Variants in VPS13B observed in about 807,000 individuals in gnomAD.
The protein encoded by VPS13B is vacuolar protein sorting 13 homolog B.
In VPS13B, 285 loss-of-function variants were observed where a neutral mutation model predicts 426.4. The ratio of observed to expected loss-of-function variants is 0.67; its 90% confidence interval spans 0.61 to 0.74. The LOEUF is 0.74. Ranked by LOEUF, VPS13B falls within the 30% of genes least tolerant of loss-of-function variation. The pLI is 0.00. For synonymous variants in VPS13B, 1,676 were observed against 1,676.4 expected (o/e 1.00, Z 0.01); for missense variants, 4,537 against 4,782.6 (o/e 0.95, Z 1.51).
chr8:99,183,997 T>C (rs1813082035), intron 16 of VPS13B, among the ~76,000 whole-genome samples: 1 of 152,238 alleles, frequency 6.6e-6, no homozygotes, highest in East Asian at 1.9e-4. Flanking sequence ...CCCTGGAATC[T>C]ATAATATGTT....
At chr8:99,579,784 A>G (rs1588514278) in intron 33 of VPS13B, among the ~76,000 whole-genome samples, 1 of 146,706 alleles carries the variant, frequency 6.8e-6, no homozygotes, top group South Asian at 2.2e-4. Context: ...TGCAATCTCC[A>G]CCTCCTGGGT....
intron 58 of VPS13B, 46 bp from the exon 59 acceptor site, chr8:99,868,243 G>A (rs368238226): frequency 2.4e-5 from 38 of 1,612,710 alleles, no homozygotes; most frequent in Non-Finnish European, 2.8e-5. Context: ...TTCATTTTCC[G>A]AGGATTTTAA....
At chr8:99,163,738 C>G (rs1236002285) in intron 15 of VPS13B, among the ~76,000 whole-genome samples, 1 of 152,180 alleles carries the variant, frequency 6.6e-6, no homozygotes, top group Non-Finnish European at 1.5e-5. Flanking sequence ...TCCAGCTGGC[C>G]TGCAAGCGCC....
At chr8:99,546,799 G>A (rs940916121) in intron 30 of VPS13B, among the ~76,000 whole-genome samples, 5 of 151,988 alleles carry the variant, frequency 3.3e-5, no homozygotes, top group African/African-American at 1.2e-4. Flanking sequence ...TAATAAAAAT[G>A]AATTTGGTTA....
chr8:99,323,240 A>C (rs3134308), intron 19 of VPS13B, among the ~76,000 whole-genome samples: 5 of 152,106 alleles, frequency 3.3e-5, no homozygotes, highest in Non-Finnish European at 5.9e-5. Context: ...CATGACGGTA[A>C]TTACAGAGAC....
intron 19 of VPS13B, among the ~76,000 whole-genome samples, chr8:99,308,160 T>A (rs1432981843): frequency 6.6e-6 from 1 of 151,978 alleles, no homozygotes; most frequent in Admixed American, 6.6e-5. Context: ...GACTTTTTTT[T>A]TGTTTTATTT....
Position 99,103,246 on chromosome 8 carries a change from G to GA in VPS13B, c.580+133dup, listed in dbSNP as rs1255384432. 1.4e-5 allele frequency: 15 copies of GA among 1,074,280 alleles called. No homozygotes were observed. The East Asian group carries it at 2.9e-4, about 21-fold the overall frequency. 66.5% of individuals were successfully genotyped at this position (1,074,280 alleles called of 1,614,324 possible). On this transcript the variant is annotated intron_variant, in intron 5 of 61. Coordinates refer to ENST00000357162, the MANE Select transcript of VPS13B (RefSeq NM_152564.5). ...TCAAATCTTCATGCCTCCAGTGTGG[G>GA]AAAAAAATGCACATATACAAAATGT...
chr8:99,488,749 ATTTG>A (rs1466304496), intron 25 of VPS13B, among the ~76,000 whole-genome samples: 1 of 152,080 alleles, frequency 6.6e-6, no homozygotes, highest in African/African-American at 2.4e-5. Flanking sequence ...GACTTTGTAA[ATTTG>A]TTTAAGTTCT....
intron 17 of VPS13B, among the ~76,000 whole-genome samples, chr8:99,265,894 T>A (rs1315917076): frequency 6.6e-6 from 1 of 152,232 alleles, no homozygotes; most frequent in Non-Finnish European, 1.5e-5. Context: ...TGATAGCTCT[T>A]GCTTGTTTGA....
chr8:99,186,575 A>T lies in VPS13B; in HGVS notation c.2334-6301A>T, dbSNP rs1588123768. ...AACCCCTCTTCATTGGTATTGTTAC[A>T]TTAACAGATAATTGTGTAAGATACC... On this transcript the variant is annotated intron_variant, in intron 16 of 61. Transcript: ENST00000357162. 2.0e-5 allele frequency among the ~76,000 whole-genome samples: 3 copies of T among 152,284 alleles called. No homozygotes were observed. In the South Asian group the frequency reaches 6.2e-4, roughly 32 times the overall value.
At chr8:99,591,954 C>G (rs1413196214) in intron 33 of VPS13B, among the ~76,000 whole-genome samples, 1 of 152,166 alleles carries the variant, frequency 6.6e-6, no homozygotes, top group Non-Finnish European at 1.5e-5. Flanking sequence ...TGTTTTCCAG[C>G]TTGGTTCCAT....
chr8:99,117,414 C>T (rs964314903), intron 7 of VPS13B, among the ~76,000 whole-genome samples: 2 of 152,048 alleles, frequency 1.3e-5, no homozygotes, highest in African/African-American at 2.4e-5. Context: ...ATAGAGTTAC[C>T]ATGTTGACCC....
At chr8:99,368,431 A>G (rs1294173594) in intron 19 of VPS13B, among the ~76,000 whole-genome samples, 2 of 152,170 alleles carry the variant, frequency 1.3e-5, no homozygotes, top group Non-Finnish European at 1.5e-5. Flanking sequence ...CCAAATTACC[A>G]TCTTCATCTT....
At chr8:99,295,375 A>G (rs6468679) in intron 19 of VPS13B, among the ~76,000 whole-genome samples, 111,714 of 152,004 alleles carry the variant, frequency 0.73, 41,799 homozygotes, top group South Asian at 0.87. Flanking sequence ...TCTAAAGTTG[A>G]CAGAAGAATC....
intron 39 of VPS13B, among the ~76,000 whole-genome samples, chr8:99,732,094 A>T (rs192156806): frequency 6.6e-6 from 1 of 152,256 alleles, no homozygotes; most frequent in African/African-American, 2.4e-5. Flanking sequence ...TCACAAGAAC[A>T]TAAGAGACAC....
At chr8:99,740,602 C>T (rs1809658147) in intron 39 of VPS13B, among the ~76,000 whole-genome samples, 1 of 152,158 alleles carries the variant, frequency 6.6e-6, no homozygotes, top group Non-Finnish European at 1.5e-5. Flanking sequence ...AAAGGGAAAC[C>T]CATCATGCTA....
intron 31 of VPS13B, among the ~76,000 whole-genome samples, chr8:99,564,754 A>G (rs902728736): frequency 2.6e-5 from 4 of 152,260 alleles, no homozygotes; most frequent in Non-Finnish European, 5.9e-5. Flanking sequence ...AACAAAAACT[A>G]CAGTAAACTA....
At chr8:99,213,274 ACTAC>A (rs1815202479) in intron 17 of VPS13B, among the ~76,000 whole-genome samples, 1 of 152,172 alleles carries the variant, frequency 6.6e-6, no homozygotes, top group African/African-American at 2.4e-5. Flanking sequence ...ATTTGTTATT[ACTAC>A]CTAATTCTAA....
chr8:99,593,434 A>G (rs1826797563), intron 33 of VPS13B, among the ~76,000 whole-genome samples: 1 of 152,122 alleles, frequency 6.6e-6, no homozygotes, highest in Non-Finnish European at 1.5e-5. Context: ...GTTATGGAGA[A>G]AAACGGAATG....
Sources: gnomAD v4.1 joint callset for allele counts (sites outside exome capture counted in the v4.1 genomes callset) on GRCh38, gnomAD v4.1.1 for gene constraint, MANE v1.5 for transcripts, NCBI Gene and HGNC (gene_info 2026-07-23, HGNC 2026-07-21) for gene names.